ZNF695: variants seen among roughly 807,000 people sequenced by gnomAD.
ZNF695 encodes the protein zinc finger protein 695, also known as zinc finger protein SBZF3.
ZNF695 carries 11 observed loss-of-function variants against 11.2 expected under a neutral mutation model. That is an observed-to-expected ratio of 0.98 (90% CI 0.62 to 1.62). The LOEUF (loss-of-function observed/expected upper bound fraction) is 1.62. Ranked by LOEUF, ZNF695 falls within the 40% of genes most tolerant of loss-of-function variation. ZNF695 has a pLI of 0.00. For synonymous variants in ZNF695, 190 were observed against 201.4 expected (o/e 0.94, Z 0.48); for missense variants, 559 against 590.5 (o/e 0.95, Z 0.55).
chr1:246,953,944 C>CAA (rs887310149), intron 5 of ZNF695, among the ~76,000 whole-genome samples: 12 of 64,702 alleles, frequency 1.9e-4, no homozygotes, highest in African/African-American at 4.5e-4. Context: ...AACAAACAAG[C>CAA]AAAAAAAAAA....
chr1:247,006,624 A>AAAT (rs1558323321), intron 1 of ZNF695, among the ~76,000 whole-genome samples: 1 of 152,138 alleles, frequency 6.6e-6, no homozygotes, highest in African/African-American at 2.4e-5. Flanking sequence ...CGTCTCAAAA[A>AAAT]AAATAAATAA....
At chr1:247,004,179 C>T (rs1277474398) in intron 1 of ZNF695, among the ~76,000 whole-genome samples, 1 of 152,128 alleles carries the variant, frequency 6.6e-6, no homozygotes, top group Non-Finnish European at 1.5e-5. Context: ...CCACTGCACT[C>T]CAGCCTGGGC....
At chr1:246,947,016 T>C (rs1399934192) in intron 5 of ZNF695, among the ~76,000 whole-genome samples, 1 of 151,646 alleles carries the variant, frequency 6.6e-6, no homozygotes, top group African/African-American at 2.4e-5. Flanking sequence ...GGCGGGCGCC[T>C]GTAGTTCCAG....
chr1:246,958,360 G>T (rs1421933222), intron 5 of ZNF695, among the ~76,000 whole-genome samples: 1 of 151,970 alleles, frequency 6.6e-6, no homozygotes, highest in Non-Finnish European at 1.5e-5. Context: ...ACCCAGCCGG[G>T]ACTTGTCTTA....
rs770193144 is a variant in ZNF695, at chr1:247,000,047, G to C, written c.31C>G (p.Leu11Val). 2 of 1,610,840 alleles carry C rather than the reference G, an allele frequency of 1.2e-6. No homozygotes were observed. The highest frequency in any genetic ancestry group is 1.1e-5 in the South Asian group (1 of 90,308). MGLLAFRDVALEFSPEEWECL... is the reference protein window; with the variant it reads MGLLAFRDVAVEFSPEEWECL... The stretch of plus-strand genomic sequence containing the variant: ...TCCCACTCCTCTGGAGAGAATTCTA[G>C]AGCCACATCCCTGAATGCCAATAGT... The change falls in exon 2 of 4, where the codon CTA becomes GTA. Residue 11 changes from leucine (L) to valine (V), a missense_variant. Transcript: ENST00000339986.
At position 246,994,314 on chromosome 1, in the gene ZNF695, G is replaced by A. The variant is rs560625247; in HGVS notation, c.259+5034C>T. On this transcript the variant is annotated intron_variant, in intron 3 of 3. Coordinates refer to ENST00000339986, the MANE Select transcript of ZNF695 (RefSeq NM_020394.5). ...CCAGCACTTTGGGAGGCTGAGGTGGGCAGATCACCTGAGGTCAGGAGTTCG... is the reference window on the plus strand; with the variant it reads ...CCAGCACTTTGGGAGGCTGAGGTGGACAGATCACCTGAGGTCAGGAGTTCG... Among the ~76,000 whole-genome samples the A allele has an allele frequency of 5.9e-5, 9 of 152,212 alleles. 2 individuals are homozygous for A. The highest frequency in any genetic ancestry group is 2.2e-4 in the African/African-American group (9 of 41,538).
chr1:246,962,268 C>A (rs988307423), intron 5 of ZNF695, among the ~76,000 whole-genome samples: 8 of 152,198 alleles, frequency 5.3e-5, no homozygotes, highest in African/African-American at 1.9e-4. Flanking sequence ...GGGCTTTGTG[C>A]CCCATCAGCA....
In ZNF695 at chr1:246,985,795, T is replaced by C. The variant is rs1005698095; in HGVS notation, c.*1172A>G. On this transcript the variant is annotated 3_prime_UTR_variant, in exon 4 of 4. Transcript: ENST00000339986. ...TCATGAATCACTTACAACCCTATTA[T>C]AAGACAAGTACAAAGAGCCTCTCCA... 2.0e-6 allele frequency: 2 copies of C among 985,266 alleles called. No individual in the cohort carries two copies. The highest frequency in any genetic ancestry group is 3.5e-5 in the African/African-American group (2 of 57,208). 61.0% of individuals were successfully genotyped at this position (985,266 alleles called of 1,614,324 possible).
At chr1:246,955,445 T>C (rs185842167) in intron 5 of ZNF695, among the ~76,000 whole-genome samples, 1 of 152,340 alleles carries the variant, frequency 6.6e-6, no homozygotes, top group African/African-American at 2.4e-5. Context: ...AGTGCTTAAC[T>C]GTATTATGTG....
rs910862342 is a variant in ZNF695 at position 246,986,787 on chromosome 1, G to C, written c.*180C>G. Reference sequence around the variant, plus strand: ...GTGATATAAGTGGAGGTGTTGAACCGGTCTATTTGTATTGTTCGTAGCCTA... The same window carrying C: ...GTGATATAAGTGGAGGTGTTGAACCCGTCTATTTGTATTGTTCGTAGCCTA... On this transcript the variant is annotated 3_prime_UTR_variant, in exon 4 of 4. Transcript: ENST00000339986. The C allele has an allele frequency of 2.2e-5, 30 of 1,363,626 alleles. No homozygotes were observed. In the Admixed American group the frequency reaches 2.7e-4, roughly 12 times the overall value. The allele number at this position is 1,363,626 out of a possible 1,614,324, so 84.5% of individuals were successfully genotyped here.
chr1:246,984,665 C>T (rs1288689473), downstream of ZNF695, among the ~76,000 whole-genome samples: 1 of 151,978 alleles, frequency 6.6e-6, no homozygotes, highest in Non-Finnish European at 1.5e-5. Flanking sequence ...TCAATAAACT[C>T]AATTACTCAA....
At chr1:246,992,816 A>C (rs962891003) in intron 3 of ZNF695, among the ~76,000 whole-genome samples, 10 of 152,272 alleles carry the variant, frequency 6.6e-5, no homozygotes, top group African/African-American at 2.4e-4. Flanking sequence ...CCACAGCCCT[A>C]CCTTTTTTCC....
At chr1:246,945,554 T>C, downstream of ZNF695, 1 of 493,624 alleles carries the variant, frequency 2.0e-6, no homozygotes, top group Non-Finnish European at 3.7e-6. Context: ...AATGAATTAA[T>C]ACATTTTCTT....
chr1:247,004,457 C>T (rs1189629397), intron 1 of ZNF695, among the ~76,000 whole-genome samples: 1 of 151,428 alleles, frequency 6.6e-6, no homozygotes, highest in Non-Finnish European at 1.5e-5. Context: ...ACAGTAAAAT[C>T]ATACATGACA....
intron 4 of ZNF695, among the ~76,000 whole-genome samples, chr1:246,976,773 G>T (rs539885430): frequency 3.3e-5 from 5 of 152,024 alleles, no homozygotes; most frequent in South Asian, 2.1e-4. Flanking sequence ...CAGCCTGGGC[G>T]ACAGAGCGAA....
chr1:246,983,818 AAAACAAACAAAC>A (rs545442322), downstream of ZNF695, among the ~76,000 whole-genome samples: 197 of 150,448 alleles, frequency 1.3e-3, 1 homozygote, highest in African/African-American at 4.6e-3. Flanking sequence ...ACTCAGTCTC[AAAACAAACAAAC>A]AAACAAACAA....
At chr1:246,993,990 AT>A (rs1411257781) in intron 3 of ZNF695, among the ~76,000 whole-genome samples, 1 of 151,728 alleles carries the variant, frequency 6.6e-6, no homozygotes, top group Non-Finnish European at 1.5e-5. Context: ...CCTAGCCAAT[AT>A]GGTGAAACCC....
chr1:247,005,663 TCAAAACAAAA>T (rs968109711), intron 1 of ZNF695, among the ~76,000 whole-genome samples: 15 of 151,096 alleles, frequency 9.9e-5, no homozygotes, highest in South Asian at 2.1e-4. Context: ...TGAGACTGTC[TCAAAACAAAA>T]CAAAACAAAA....
Position 246,988,168 on chromosome 1 carries a change from C to A in ZNF695, c.347G>T (p.Arg116Ile). 2 of 1,612,688 alleles carry A rather than the reference C, an allele frequency of 1.2e-6. No individual in the cohort carries two copies. Among genetic ancestry groups the A allele is most frequent in the Non-Finnish European group, 1.7e-6 (2 of 1,179,506 alleles). ...TAAGCGTAATTTCTCAAGACAACAT[C>A]TTTCATATCTTCTCAGCATCACTTT... ...FQKVMLRRYERCCLEKLRLRN... is the reference protein window; with the variant it reads ...FQKVMLRRYEICCLEKLRLRN... Residue 116 changes from arginine (R) to isoleucine (I), a missense_variant, in exon 4 of 4, where the codon AGA (arginine) becomes ATA (isoleucine). Coordinates refer to ENST00000339986, the MANE Select transcript of ZNF695 (RefSeq NM_020394.5).
Sources: gnomAD v4.1 joint callset for allele counts (sites outside exome capture counted in the v4.1 genomes callset) on GRCh38, gnomAD v4.1.1 for gene constraint, MANE v1.5 for transcripts, NCBI Gene and HGNC (gene_info 2026-07-23, HGNC 2026-07-21) for gene names.